EHMT2: variants seen among roughly 807,000 people sequenced by gnomAD.
The protein encoded by EHMT2 is histone-lysine N-methyltransferase EHMT2.
In EHMT2, 59 loss-of-function variants were observed where a neutral mutation model predicts 143.3. The ratio of observed to expected loss-of-function variants is 0.41; its 90% CI spans 0.33 to 0.51. The LOEUF is 0.51. EHMT2 is among the 20% of genes least tolerant of loss of function. The pLI is 0.18. For missense variants in EHMT2, 1,174 were observed against 1,645.9 expected, an observed-to-expected ratio of 0.71 and a Z score of 4.96; for synonymous variants, 604 against 651.5, an observed-to-expected ratio of 0.93 and a Z score of 1.11.
In EHMT2 at chr6:31,881,077, C is replaced by T. The variant is rs778983547; in HGVS notation, c.3213G>A (p.Leu1071=). 2 of 1,612,946 alleles carry T rather than the reference C, an allele frequency of 1.2e-6. No homozygotes were observed. Among genetic ancestry groups the T allele is most frequent in the South Asian group, 2.2e-5 (2 of 91,084 alleles). ...TCACATCAGCCTCAGCATCAGAGAT[C>T]AGCTCCCCGACATACCTGTGGGACA... The change falls in exon 26 of 28, where the codon CTG becomes CTA. Residue 1071 remains leucine (L), a synonymous_variant. Coordinates refer to ENST00000375537, the Ensembl canonical transcript of EHMT2. The surrounding 1 kb of genome is among the most constrained non-coding windows in gnomAD (Gnocchi z 4.8).
chr6:31,897,118 T>A, intron 1 of EHMT2, 129 bp from the exon 2 acceptor site: 1 of 1,408,458 alleles, frequency 7.1e-7, no homozygotes, highest in Non-Finnish European at 9.3e-7. Context: ...GGCCCCCCCC[T>A]TCCGCGGCCT....
chr6:31,886,299 G>A (rs987896088), intron 18 of EHMT2: 2 of 483,396 alleles, frequency 4.1e-6, no homozygotes, highest in African/African-American at 3.9e-5. Context: ...GCCAATAAAT[G>A]ACTAAAACAC....
chr6:31,882,805 C>T lies in EHMT2; in HGVS notation c.3111-20G>A, dbSNP rs541377667. 7.4e-5 allele frequency: 120 copies of T among 1,611,722 alleles called. 2 individuals carry two copies. The Middle Eastern group carries it at 1.2e-3, about 16-fold the overall frequency. ...CGCACCCTGGGGGTAGGAGAGATGG[C>T]GCTGTTGGGTGGAGGCCCTGGAAAA... On this transcript the variant is annotated intron_variant, in intron 24 of 27. Coordinates refer to ENST00000375537, the Ensembl canonical transcript of EHMT2.
In EHMT2 at chr6:31,880,032, A is replaced by G; in HGVS notation, c.*52T>C. 1 of 1,579,740 alleles carries G rather than the reference A, an allele frequency of 6.3e-7. No homozygotes were observed. ...GGCTGCGAGCAGCTGGTGGCAGAGG[A>G]GGCGGCTGAGCTGTGGCCATCCATG... On this transcript the variant is annotated 3_prime_UTR_variant, in exon 28 of 28. Coordinates refer to ENST00000375537, the Ensembl canonical transcript of EHMT2. The surrounding 1 kb of genome is among the most constrained non-coding windows in gnomAD (Gnocchi z 6.6).
intron 4 of EHMT2, 144 bp downstream of exon 4, chr6:31,896,119 T>A (rs1581964550): frequency 8.2e-7 from 1 of 1,214,010 alleles, no homozygotes; most frequent in East Asian, 2.4e-5. Flanking sequence ...GGTTCACAGA[T>A]CAAGCACAGC....
chr6:31,896,750 C>CA lies in EHMT2; in HGVS notation c.183dup (p.Ala62CysfsTer15). On this transcript the variant is annotated frameshift_variant, in exon 3 of 28. Coordinates refer to ENST00000375537, the Ensembl canonical transcript of EHMT2. LOFTEE classifies it high-confidence loss of function. ...ACAGAGGCTGGAGATGAGGGGCCAG[C>CA]AGGCTCCAGGGAGTCGGGGGTGGCC... 6.2e-7 allele frequency: 1 copy of CA among 1,613,002 alleles called. No homozygotes were observed. Among genetic ancestry groups the CA allele is most frequent in the Non-Finnish European group, 8.5e-7 (1 of 1,179,992 alleles).
At chr6:31,896,965 C>T (rs765333434) in exon 2 of EHMT2, 4 of 1,586,566 alleles carry the variant, frequency 2.5e-6, no homozygotes, top group South Asian at 1.1e-5. Flanking sequence ...AGCAGCAGCG[C>T]CCCCATCTCA....
intron 4 of EHMT2, 176 bp downstream of exon 4, chr6:31,896,087 G>C: frequency 1.2e-6 from 1 of 819,958 alleles, no homozygotes; most frequent in Non-Finnish European, 1.8e-6. Flanking sequence ...GTAAACTGCA[G>C]GAAGAGAGGA....
At position 31,889,386 on chromosome 6, in the gene EHMT2, G is replaced by A. The variant is rs750870843; in HGVS notation, c.1000-44C>T. 2.4e-5 allele frequency: 38 copies of A among 1,608,946 alleles called. No homozygotes were observed. Among genetic ancestry groups the A allele is most frequent in the Non-Finnish European group, 3.2e-5 (38 of 1,178,380 alleles). On this transcript the variant is annotated intron_variant, in intron 8 of 27. Coordinates refer to ENST00000375537, the Ensembl canonical transcript of EHMT2. The surrounding 1 kb of genome is among the most constrained non-coding windows in gnomAD (Gnocchi z 5.1). The stretch of plus-strand genomic sequence containing the variant: ...AGGAGTTAGGAACCCTCACCCCCAG[G>A]GGCCCCCCCAACACCTTCAGGACCA...
intron 4 of EHMT2, chr6:31,896,006 T>A: frequency 2.4e-6 from 1 of 418,420 alleles, no homozygotes; most frequent in East Asian, 3.6e-5. Flanking sequence ...ACCTTGTCAT[T>A]ATCATAAGAG....
chr6:31,886,519 G>A lies in EHMT2; in HGVS notation c.2343+62C>T, dbSNP rs1655336959. On this transcript the variant is annotated intron_variant, in intron 18 of 27. Coordinates refer to ENST00000375537, the Ensembl canonical transcript of EHMT2. ...GTAGGAAAGGCGGCCCAAAGCCTGA[G>A]GCCAAGCCAAGGAACCCAGGCACCA... 5 of 1,525,150 alleles carry A rather than the reference G, an allele frequency of 3.3e-6. No individual in the cohort carries two copies. The South Asian group carries it at 4.7e-5, about 14-fold the overall frequency. 94.5% of individuals were successfully genotyped at this position (1,525,150 alleles called of 1,614,324 possible). A position where few individuals can be genotyped will look rare whatever the true frequency, so the allele number is the denominator to read the frequency against.
intron 7 of EHMT2, among the ~76,000 whole-genome samples, chr6:31,890,317 T>A (rs1045671991): frequency 6.6e-6 from 1 of 152,114 alleles, no homozygotes. Context: ...ATTGCAATGG[T>A]GTGATCTCAG....
chr6:31,890,832 T>C (rs1765587867), intron 7 of EHMT2, among the ~76,000 whole-genome samples: 1 of 148,040 alleles, frequency 6.8e-6, no homozygotes, highest in East Asian at 2.2e-4. Flanking sequence ...GCCACTGCAC[T>C]CCAGCCTGGG....
At chr6:31,886,446 AG>A (rs780849517) in intron 18 of EHMT2, 134 bp downstream of exon 18, 5 of 666,304 alleles carry the variant, frequency 7.5e-6, no homozygotes, top group Non-Finnish European at 1.3e-5. Flanking sequence ...AATACAAATG[AG>A]GAAGAAGAAA....
rs1412516290 is a variant in EHMT2 at position 31,888,772 on chromosome 6, G to A, written c.1217-25C>T. 2 of 1,610,202 alleles carry A rather than the reference G, an allele frequency of 1.2e-6. No individual in the cohort carries two copies. The highest frequency in any genetic ancestry group is 1.7e-6 in the Non-Finnish European group (2 of 1,179,556). On this transcript the variant is annotated intron_variant, in intron 10 of 27. Coordinates refer to ENST00000375537, the Ensembl canonical transcript of EHMT2. The surrounding 1 kb of genome is among the most constrained non-coding windows in gnomAD (Gnocchi z 7.4). The stretch of plus-strand genomic sequence containing the variant: ...CCTTGGATGGAGGAAAAGAGGAGCT[G>A]AGGGAGGCTCTGCACCTCACCTACT...
At position 31,881,071 on chromosome 6, in the gene EHMT2, A is replaced by C; in HGVS notation, c.3219T>G (p.Ser1073=). 6.2e-7 allele frequency: 1 copy of C among 1,612,984 alleles called. No individual in the cohort carries two copies. The highest frequency in any genetic ancestry group is 8.5e-7 in the Non-Finnish European group (1 of 1,180,016). The change falls in exon 26 of 28, where the codon TCT becomes TCG. Residue 1073 remains serine, a synonymous_variant. Transcript: ENST00000375537. The surrounding 1 kb of genome is among the most constrained non-coding windows in gnomAD (Gnocchi z 4.8). The stretch of plus-strand genomic sequence containing the variant: ...CCTCTCTCACATCAGCCTCAGCATC[A>C]GAGATCAGCTCCCCGACATACCTGT...
At chr6:31,886,879 C>G in exon 17 of EHMT2, 1 of 1,614,216 alleles carries the variant, frequency 6.2e-7, no homozygotes, top group Non-Finnish European at 8.5e-7. Flanking sequence ...TTGTCCACTG[C>G]ATTTATGTTG....
At position 31,882,681 on chromosome 6, in the gene EHMT2, G is replaced by T. The variant is rs1467253770; in HGVS notation, c.3197+18C>A. 1 of 1,608,602 alleles carries T rather than the reference G, an allele frequency of 6.2e-7. No individual in the cohort carries two copies. The highest frequency in any genetic ancestry group is 8.5e-7 in the Non-Finnish European group (1 of 1,177,848). On this transcript the variant is annotated intron_variant, in intron 25 of 27. Transcript: ENST00000375537. ...TATCCCCTTCCCACCAGGTGTTAAG[G>T]TGCTCCCGGTGACTTACTCGCAGAT...
At chr6:31,896,460 G>A (rs866068449) in exon 4 of EHMT2, 2 of 1,613,008 alleles carry the variant, frequency 1.2e-6, no homozygotes, top group South Asian at 2.2e-5. Flanking sequence ...ATCTTGGCCC[G>A]GCTAGGACAG....
Sources: gnomAD v4.1 joint callset for allele counts (sites outside exome capture counted in the v4.1 genomes callset) on GRCh38, gnomAD v4.1.1 for gene constraint, Gnocchi (gnomAD v3.1) non-coding constraint, MANE v1.5 for transcripts, NCBI Gene and HGNC (gene_info 2026-07-23, HGNC 2026-07-21) for gene names.